The following TDRD12 variants were observed in gnomAD, a reference collection of about 807,000 sequenced individuals.
TDRD12 encodes tudor domain containing 12, also known as putative ATP-dependent RNA helicase TDRD12.
Under a neutral mutation model 133.5 loss-of-function variants are expected in TDRD12, and 158 were observed. The ratio of observed to expected loss-of-function variants is 1.18; its 90% CI spans 1.04 to 1.35. The LOEUF (loss-of-function observed/expected upper bound fraction) is 1.35, where lower values mean the gene tolerates loss of function less well. Ranked by LOEUF, TDRD12 falls within the 40% of genes most tolerant of loss-of-function variation. TDRD12 has a pLI of 0.00. For synonymous variants in TDRD12, 460 were observed against 477.9 expected, an observed-to-expected ratio of 0.96 and a Z score of 0.49; for missense variants, 1,443 against 1,321.3, an observed-to-expected ratio of 1.09 and a Z score of -1.43.
intron 11 of TDRD12, among the ~76,000 whole-genome samples, chr19:32,787,640 C>A (rs1313049724): frequency 1.3e-5 from 2 of 152,184 alleles, no homozygotes; most frequent in East Asian, 3.9e-4. Flanking sequence ...TACTCAACCT[C>A]AGCAATGGTG....
At chr19:32,803,582 C>T (rs181514879) in intron 21 of TDRD12, among the ~76,000 whole-genome samples, 1 of 152,236 alleles carries the variant, frequency 6.6e-6, no homozygotes, top group Non-Finnish European at 1.5e-5. Flanking sequence ...TTGGCCATGT[C>T]TTTTGTGGAA....
At chr19:32,731,556 G>A (rs571612868) in intron 1 of TDRD12, among the ~76,000 whole-genome samples, 169 bp from the exon 2 acceptor site, 1 of 152,242 alleles carries the variant, frequency 6.6e-6, no homozygotes, top group East Asian at 1.9e-4. Flanking sequence ...CATACTGTTG[G>A]TTATGTGTTT....
At chr19:32,724,984 TC>T (rs1968812580) in intron 1 of TDRD12, among the ~76,000 whole-genome samples, 2 of 152,348 alleles carry the variant, frequency 1.3e-5, no homozygotes, top group East Asian at 3.9e-4. Context: ...GAGCTTTTTT[TC>T]ATATGTTTGT....
chr19:32,794,895 T>C, intron 14 of TDRD12, 82 bp downstream of exon 14: 2 of 643,838 alleles, frequency 3.1e-6, no homozygotes, highest in Non-Finnish European at 5.6e-6. Flanking sequence ...TTGAGGAAGG[T>C]CGTCTATTAC....
chr19:32,807,430 G>C, intron 21 of TDRD12, 119 bp from the exon 22 acceptor site: 1 of 587,654 alleles, frequency 1.7e-6, no homozygotes, highest in Non-Finnish European at 2.9e-6. Context: ...TCAGTCTTTA[G>C]GGTGTTTGGA....
downstream of TDRD12, among the ~76,000 whole-genome samples, chr19:32,823,376 CT>C (rs946110122): frequency 4.0e-5 from 6 of 150,306 alleles, no homozygotes; most frequent in South Asian, 6.3e-4. Flanking sequence ...CCCCACACAG[CT>C]TTTTTTTGGG....
intron 13 of TDRD12, among the ~76,000 whole-genome samples, chr19:32,793,952 G>A (rs1317578222): frequency 1.4e-5 from 2 of 146,454 alleles, no homozygotes; most frequent in East Asian, 2.0e-4. Flanking sequence ...CTGACACCAC[G>A]CCCGGCTAAT....
chr19:32,720,201 A>G, intron 1 of TDRD12, 105 bp downstream of exon 1: 1 of 1,100,638 alleles, frequency 9.1e-7, no homozygotes, highest in South Asian at 1.3e-5. Flanking sequence ...ACAGCTTCCT[A>G]CACCCACCGC....
exon 10 of TDRD12, chr19:32,827,504 C>T (rs745659182): frequency 6.4e-5 from 14 of 217,976 alleles, no homozygotes; most frequent in Non-Finnish European, 7.1e-5. Flanking sequence ...CTCAGCCTCC[C>T]GAGTAGCTGG....
chr19:32,810,054 A>G (rs1966946186), intron 22 of TDRD12, 39 bp from the exon 23 acceptor site: 1 of 1,339,674 alleles, frequency 7.5e-7, no homozygotes, highest in South Asian at 1.5e-5. Context: ...GGTTTAGACT[A>G]AGTTTGTTTC....
At chr19:32,763,945 G>A (rs1475043478) in intron 8 of TDRD12, among the ~76,000 whole-genome samples, 1 of 152,096 alleles carries the variant, frequency 6.6e-6, no homozygotes, top group African/African-American at 2.4e-5. Flanking sequence ...TGATTTTTCA[G>A]TGTGTTCAGC....
At chr19:32,738,100 G>A (rs1255123911) in intron 2 of TDRD12, among the ~76,000 whole-genome samples, 6 of 152,022 alleles carry the variant, frequency 3.9e-5, no homozygotes, top group Non-Finnish European at 5.9e-5. Context: ...TCGCACCATC[G>A]CACTCCAGCC....
intron 7 of TDRD12, 137 bp downstream of exon 7, chr19:32,756,318 G>GAAAAA: frequency 1.4e-6 from 1 of 735,406 alleles, no homozygotes. Context: ...TCCTGATGAG[G>GAAAAA]CTGTGACACA....
intron 14 of TDRD12, 67 bp from the exon 15 acceptor site, chr19:32,797,668 A>G: frequency 1.7e-6 from 1 of 578,108 alleles, no homozygotes; most frequent in Non-Finnish European, 3.1e-6. Flanking sequence ...GATGTTCTTG[A>G]TGTTTCATAT....
At chr19:32,731,518 T>C (rs1336691203) in intron 1 of TDRD12, among the ~76,000 whole-genome samples, 1 of 152,190 alleles carries the variant, frequency 6.6e-6, no homozygotes, top group East Asian at 1.9e-4. Context: ...CGTTCGTTAT[T>C]TGAGTCACAA....
At chr19:32,824,375 A>C (rs1967513693), downstream of TDRD12, 1 of 152,906 alleles carries the variant, frequency 6.5e-6, no homozygotes, top group Non-Finnish European at 1.5e-5. Flanking sequence ...CCTCCTCTGC[A>C]GACGTGACAC....
At position 32,728,570 on chromosome 19, in the gene TDRD12, T is replaced by C. The variant is rs553480914; in HGVS notation, c.25-3155T>C. Among the ~76,000 whole-genome samples, 125 of 152,226 alleles carry C rather than the reference T, an allele frequency of 8.2e-4. 1 individual carries two copies. Among genetic ancestry groups the C allele is most frequent in the African/African-American group, 2.9e-3 (121 of 41,552 alleles). On this transcript the variant is annotated intron_variant, in intron 1 of 27. Transcript: ENST00000444215. ...CTTTCTAATCTTCCTGACAGTCTTT[T>C]TCCTGTCTTACTGTACTAACTGGGA...
At chr19:32,815,815 G>A (rs1190305720) in intron 26 of TDRD12, among the ~76,000 whole-genome samples, 195 bp downstream of exon 26, 1 of 152,158 alleles carries the variant, frequency 6.6e-6, no homozygotes, top group African/African-American at 2.4e-5. Flanking sequence ...CCAACATGGT[G>A]AAACCCCGTT....
intron 12 of TDRD12, 144 bp downstream of exon 12, chr19:32,790,735 A>G: frequency 6.5e-7 from 1 of 1,539,628 alleles, no homozygotes; most frequent in Admixed American, 2.0e-5. Context: ...TCCTTTTAGA[A>G]ACGATCGAAT....
Sources: allele counts gnomAD v4.1 joint callset (sites outside exome capture counted in the v4.1 genomes callset), GRCh38; gene constraint gnomAD v4.1.1; transcripts MANE v1.5; gene names NCBI Gene and HGNC (gene_info 2026-07-23, HGNC 2026-07-21).